Variants in ABCA8 observed in about 807,000 individuals in gnomAD.
ABCA8 encodes the protein ABC-type organic anion transporter ABCA8.
A neutral mutation model predicts 192.3 loss-of-function variants in ABCA8; 177 were observed. The ratio of observed to expected loss-of-function variants is 0.92; its 90% CI spans 0.81 to 1.04. The LOEUF (loss-of-function observed/expected upper bound fraction) is 1.04, where lower values mean the gene tolerates loss of function less well. ABCA8 is among the 50% of genes least tolerant of loss of function. The pLI, the probability that ABCA8 is intolerant of heterozygous loss-of-function variation, is 0.00. For synonymous variants in ABCA8, 642 were observed against 690.2 expected (o/e 0.93, Z 1.09); for missense variants, 1,915 against 1,904.8 (o/e 1.01, Z -0.10).
chr17:68,952,162 T>C (rs998659355), intron 1 of ABCA8, among the ~76,000 whole-genome samples: 6 of 152,220 alleles, frequency 3.9e-5, no homozygotes, highest in African/African-American at 1.4e-4. Flanking sequence ...TACAAACAAA[T>C]GCCTTCTAGT....
intron 37 of ABCA8, among the ~76,000 whole-genome samples, chr17:68,872,611 TAAAAA>T (rs929903659): frequency 2.0e-5 from 3 of 148,702 alleles, no homozygotes; most frequent in Admixed American, 2.0e-4. Context: ...ATAAAAAAAA[TAAAAA>T]AAAAGAAGAA....
chr17:68,930,446 CTCA>C (rs2067832998), intron 7 of ABCA8, among the ~76,000 whole-genome samples: 1 of 152,162 alleles, frequency 6.6e-6, no homozygotes, highest in South Asian at 2.1e-4. Flanking sequence ...CTTTCCTTTC[CTCA>C]TCAATTTCTT....
At chr17:68,893,862 A>C (rs1474797852) in intron 23 of ABCA8, among the ~76,000 whole-genome samples, 1 of 146,072 alleles carries the variant, frequency 6.8e-6, no homozygotes, top group Non-Finnish European at 1.5e-5. Flanking sequence ...CATTAGGTAT[A>C]TCTCCCAATG....
chr17:68,931,784 T>C (rs1219593376), intron 7 of ABCA8: 8 of 141,096 alleles, frequency 5.7e-5, no homozygotes, highest in Non-Finnish European at 9.0e-5. Context: ...TTTTTTTTTT[T>C]TTGTCCATCA....
In ABCA8 at chr17:68,885,203, G is replaced by T; in HGVS notation, c.3542C>A (p.Ser1181Tyr). ...PATMIGCLFLSSHLLFSSLFS... is the reference protein window; with the variant it reads ...PATMIGCLFLYSHLLFSSLFS... Reference sequence around the variant, plus strand: ...GACTGTGTCATTACTTACATGAGAAGATAAGAACAAACAGCCAATCATTGT... The same window carrying T: ...GACTGTGTCATTACTTACATGAGAATATAAGAACAAACAGCCAATCATTGT... Residue 1181 changes from serine to tyrosine, a missense_variant, in exon 27 of 40, where the codon TCT becomes TAT. Coordinates refer to ENST00000586539, the MANE Select transcript of ABCA8 (RefSeq NM_001288985.2). 6.2e-7 allele frequency: 1 copy of T among 1,612,848 alleles called. No homozygotes were observed. The highest frequency in any genetic ancestry group is 1.3e-5 in the African/African-American group (1 of 74,974).
chr17:68,947,654 TTGTC>T (rs2068448819), intron 2 of ABCA8, among the ~76,000 whole-genome samples: 1 of 152,204 alleles, frequency 6.6e-6, no homozygotes, highest in Non-Finnish European at 1.5e-5. Context: ...TCTATTCAAG[TTGTC>T]TGTTTCAACT....
intron 4 of ABCA8, among the ~76,000 whole-genome samples, chr17:68,939,364 G>GT (rs1316934331): frequency 5.3e-5 from 8 of 151,764 alleles, no homozygotes; most frequent in African/African-American, 1.9e-4. Context: ...ATATCCTGTG[G>GT]TTTCAATGTG....
At chr17:68,919,570 C>A in intron 13 of ABCA8, 94 bp from the exon 14 acceptor site, 6 of 1,105,204 alleles carry the variant, frequency 5.4e-6, no homozygotes, top group Non-Finnish European at 7.7e-6. Context: ...TTTATCTTGA[C>A]AGTTTATACA....
rs75339580 is a variant in ABCA8, at chr17:68,903,360, G to T, written c.2538C>A (p.Cys846Ter). 2 of 1,614,110 alleles carry T rather than the reference G, an allele frequency of 1.2e-6. No homozygotes were observed. Among genetic ancestry groups the T allele is most frequent in the Non-Finnish European group, 1.7e-6 (2 of 1,180,022 alleles). The change falls in exon 20 of 40, where the codon TGC becomes TGA. Residue 846 changes from cysteine (C) to a stop codon, truncating the protein, a stop_gained. Coordinates refer to ENST00000586539, the MANE Select transcript of ABCA8 (RefSeq NM_001288985.2). LOFTEE classifies it high-confidence loss of function. The stretch of plus-strand genomic sequence containing the variant: ...TTAACAAGCGAACCCTTGCAATTGC[G>T]CAGATTTGCTGTCGCCAGAGAGCCA... ...GGVALWRQQI[C>*]AIARVRLLKL...
intron 6 of ABCA8, 100 bp downstream of exon 6, chr17:68,933,068 C>G: frequency 1.2e-6 from 1 of 820,350 alleles, no homozygotes; most frequent in Non-Finnish European, 2.0e-6. Context: ...AAGGAAATAA[C>G]AAGGCTATCC....
At chr17:68,920,331 T>C (rs2067499612) in intron 13 of ABCA8, among the ~76,000 whole-genome samples, 1 of 151,674 alleles carries the variant, frequency 6.6e-6, no homozygotes, top group Non-Finnish European at 1.5e-5. Flanking sequence ...CATGTAATAA[T>C]ATAGGCAACA....
intron 21 of ABCA8, among the ~76,000 whole-genome samples, chr17:68,899,290 G>T (rs1483173161): frequency 6.6e-6 from 1 of 151,984 alleles, no homozygotes; most frequent in African/African-American, 2.4e-5. Flanking sequence ...GGCATAGATT[G>T]TTAGATTGTA....
At chr17:68,892,899 C>G (rs191010258) in intron 23 of ABCA8, among the ~76,000 whole-genome samples, 1 of 152,116 alleles carries the variant, frequency 6.6e-6, no homozygotes. Context: ...AATCCCAACA[C>G]TTTGGGAGGC....
chr17:68,948,865 A>G (rs1296729306), intron 2 of ABCA8, among the ~76,000 whole-genome samples: 1 of 151,790 alleles, frequency 6.6e-6, no homozygotes, highest in Non-Finnish European at 1.5e-5. Flanking sequence ...TAGGGTTTTT[A>G]TGGTTTTGGG....
chr17:68,919,398 G>A lies in ABCA8; in HGVS notation c.1691C>T (p.Pro564Leu). 1 of 1,613,910 alleles carries A rather than the reference G, an allele frequency of 6.2e-7. No individual in the cohort carries two copies. Residue 564 changes from proline (P) to leucine (L), a missense_variant, in exon 14 of 40, where the codon CCA becomes CTA. Pro to Leu is a moderately conservative substitution (Grantham distance 98). Coordinates refer to ENST00000586539, the MANE Select transcript of ABCA8 (RefSeq NM_001288985.2). ...ENLSKLTGVC[P>L]QSNVQFDFLT... ...GAAGTCAAATTGCACATTGGATTGT[G>A]GACAAACTCCGGTCAGCTTGCTGAG...
At chr17:68,933,095 A>T in intron 6 of ABCA8, 73 bp downstream of exon 6, 1 of 1,070,802 alleles carries the variant, frequency 9.3e-7, no homozygotes, top group South Asian at 1.4e-5. Flanking sequence ...ATTTTCTTCC[A>T]TGAAACTTTT....
chr17:68,921,515 A>T, intron 12 of ABCA8, 23 bp from the exon 13 acceptor site: 1 of 1,483,720 alleles, frequency 6.7e-7, no homozygotes, highest in South Asian at 1.2e-5. Context: ...AAAGAAAGGA[A>T]AGAAAGATAA....
rs747505203 is a variant in ABCA8, at chr17:68,929,602, T to G, written c.898A>C (p.Met300Leu). Reference protein sequence around the residue: ...STQFIILSGFMVVFSLFLLYG... With the variant: ...STQFIILSGFLVVFSLFLLYG... ...AGGAGAAAGAGGCTGAAGACTACCA[T>G]GAAGCCAGACAAAATGATAAACTGG... Residue 300 changes from methionine (M) to leucine (L), a missense_variant, in exon 8 of 40, where the codon ATG (methionine) becomes CTG (leucine). By Grantham distance (15) the Met-to-Leu change is conservative. Transcript: ENST00000586539. The G allele has an allele frequency of 6.2e-6, 10 of 1,613,692 alleles. No homozygotes were observed. Among genetic ancestry groups the G allele is most frequent in the Non-Finnish European group, 8.5e-6 (10 of 1,179,810 alleles).
intron 2 of ABCA8, among the ~76,000 whole-genome samples, chr17:68,948,077 A>C (rs1367226004): frequency 1.3e-5 from 2 of 152,150 alleles, no homozygotes; most frequent in Non-Finnish European, 2.9e-5. Flanking sequence ...ACATGATCTC[A>C]TTCTTTTTCA....
Sources: gnomAD v4.1 joint callset for allele counts (sites outside exome capture counted in the v4.1 genomes callset) on GRCh38, gnomAD v4.1.1 for gene constraint, MANE v1.5 for transcripts, NCBI Gene and HGNC (gene_info 2026-07-23, HGNC 2026-07-21) for gene names.